PIK3R4: variants seen among roughly 807,000 people sequenced by gnomAD.
PIK3R4 encodes phosphoinositide 3-kinase regulatory subunit 4.
Under a neutral mutation model 136.5 loss-of-function variants are expected in PIK3R4, and 46 were observed. The observed-to-expected ratio is 0.34, with a 90% CI of 0.27 to 0.43. The LOEUF (loss-of-function observed/expected upper bound fraction) is 0.43. Ranked by LOEUF, PIK3R4 falls within the 20% of genes least tolerant of loss-of-function variation. The probability of loss-of-function intolerance (pLI) is 1.00; values close to 1 mark genes in which losing one functional copy is unlikely to be tolerated. For synonymous variants in PIK3R4, 557 were observed against 566.7 expected (o/e 0.98, Z 0.24); for missense variants, 1,331 against 1,649.5 (o/e 0.81, Z 3.35).
intron 2 of PIK3R4, among the ~76,000 whole-genome samples, chr3:130,742,338 G>T (rs2066828731): frequency 6.6e-6 from 1 of 152,174 alleles, no homozygotes; most frequent in Non-Finnish European, 1.5e-5. Flanking sequence ...ACAAAAAAAG[G>T]ATAAAAATAA....
intron 8 of PIK3R4, among the ~76,000 whole-genome samples, chr3:130,717,916 G>A (rs1268421046): frequency 1.3e-5 from 2 of 152,140 alleles, no homozygotes; most frequent in African/African-American, 4.8e-5. Context: ...ACCAAGTACT[G>A]CTAAAGGTGG....
intron 7 of PIK3R4, among the ~76,000 whole-genome samples, chr3:130,720,518 A>C (rs11915110): frequency 0.36 from 54,261 of 152,076 alleles, 12,697 homozygotes; most frequent in African/African-American, 0.66. Flanking sequence ...GGAAAATATT[A>C]ATAATAGCTA....
At chr3:130,728,370 A>G in intron 6 of PIK3R4, 93 bp downstream of exon 6, 1 of 698,306 alleles carries the variant, frequency 1.4e-6, no homozygotes, top group Non-Finnish European at 2.3e-6. Flanking sequence ...ATTATTAATG[A>G]AATTTGGTAG....
intron 7 of PIK3R4, among the ~76,000 whole-genome samples, chr3:130,721,753 G>A (rs1034895102): frequency 6.6e-6 from 1 of 152,108 alleles, no homozygotes; most frequent in South Asian, 2.1e-4. Context: ...AGGGAGGGTG[G>A]AATGGGCAGG....
intron 2 of PIK3R4, among the ~76,000 whole-genome samples, chr3:130,744,065 CCAT>C (rs2066839630): frequency 6.6e-6 from 1 of 152,178 alleles, no homozygotes; most frequent in African/African-American, 2.4e-5. Flanking sequence ...CTCAACACCA[CCAT>C]GAGGACTAAT....
chr3:130,740,459 G>A (rs1015206164), intron 2 of PIK3R4, among the ~76,000 whole-genome samples: 6 of 152,062 alleles, frequency 3.9e-5, no homozygotes, highest in Admixed American at 6.5e-5. Flanking sequence ...ACTGAAGGCC[G>A]GGCACAGTGG....
chr3:130,718,738 C>T (rs1336891092), intron 7 of PIK3R4, among the ~76,000 whole-genome samples: 3 of 152,162 alleles, frequency 2.0e-5, no homozygotes, highest in Admixed American at 2.0e-4. Flanking sequence ...ATAAATATCA[C>T]AGCAGTACCA....
chr3:130,697,293 G>A (rs972406762), intron 13 of PIK3R4, among the ~76,000 whole-genome samples: 2 of 151,902 alleles, frequency 1.3e-5, no homozygotes, highest in East Asian at 1.9e-4. Context: ...GGCTAGTCTC[G>A]AACTCCTGAT....
chr3:130,710,448 A>C (rs1430674346), intron 9 of PIK3R4, among the ~76,000 whole-genome samples: 3 of 151,916 alleles, frequency 2.0e-5, no homozygotes, highest in Admixed American at 1.3e-4. Context: ...AAGATTGTAC[A>C]AAAAAAATTA....
chr3:130,741,647 T>C (rs1041152213), intron 2 of PIK3R4, among the ~76,000 whole-genome samples: 5 of 152,128 alleles, frequency 3.3e-5, no homozygotes, highest in Non-Finnish European at 5.9e-5. Flanking sequence ...AGTAGTGCCC[T>C]ACCAGCCTTT....
chr3:130,720,573 A>C (rs907468015), intron 7 of PIK3R4, among the ~76,000 whole-genome samples: 1 of 152,228 alleles, frequency 6.6e-6, no homozygotes, highest in African/African-American at 2.4e-5. Flanking sequence ...AAGAAATCAT[A>C]ATCACCATCA....
chr3:130,710,974 A>C (rs2107610193), intron 9 of PIK3R4, among the ~76,000 whole-genome samples: 1 of 152,108 alleles, frequency 6.6e-6, no homozygotes, highest in East Asian at 1.9e-4. Flanking sequence ...AAGAAAAAAA[A>C]ATGTTAAGAA....
chr3:130,703,508 A>G (rs576035998), intron 13 of PIK3R4, among the ~76,000 whole-genome samples: 27 of 151,904 alleles, frequency 1.8e-4, no homozygotes, highest in Admixed American at 8.5e-4. Flanking sequence ...TTTTACCACA[A>G]TTTTTTTTAA....
At chr3:130,741,913 C>A (rs1435307417) in intron 2 of PIK3R4, among the ~76,000 whole-genome samples, 1 of 152,198 alleles carries the variant, frequency 6.6e-6, no homozygotes, top group Non-Finnish European at 1.5e-5. Context: ...ATGGTAAGTC[C>A]TCAACGGTAT....
chr3:130,695,502 T>C (rs1391016262), intron 13 of PIK3R4, among the ~76,000 whole-genome samples: 5 of 152,104 alleles, frequency 3.3e-5, no homozygotes, highest in Non-Finnish European at 7.4e-5. Context: ...CACTGTCCTG[T>C]TCCCTCCTGC....
chr3:130,712,453 G>A (rs2066637759), intron 9 of PIK3R4, among the ~76,000 whole-genome samples: 2 of 152,206 alleles, frequency 1.3e-5, no homozygotes, highest in South Asian at 4.2e-4. Flanking sequence ...CGGATCACCT[G>A]AGGTTGGGAG....
intron 10 of PIK3R4, 38 bp from the exon 11 acceptor site, chr3:130,707,173 G>C: frequency 6.8e-7 from 1 of 1,478,820 alleles, no homozygotes; most frequent in South Asian, 1.3e-5. Context: ...TCTGAAGGTA[G>C]CCTTTAAAAC....
At chr3:130,732,125 G>A (rs58619806) in intron 4 of PIK3R4, among the ~76,000 whole-genome samples, 3,175 of 152,076 alleles carry the variant, frequency 0.021, 113 homozygotes, top group African/African-American at 0.072. Context: ...CTGAGAATTA[G>A]ACCGGATACA....
chr3:130,684,123 A>T, intron 16 of PIK3R4, 127 bp downstream of exon 16: 1 of 801,168 alleles, frequency 1.2e-6, no homozygotes, highest in Non-Finnish European at 2.0e-6. Context: ...CAACCTCCAT[A>T]ATCAGAAGAC....
Sources: allele counts gnomAD v4.1 joint callset (sites outside exome capture counted in the v4.1 genomes callset), GRCh38; gene constraint gnomAD v4.1.1; transcripts MANE v1.5; gene names NCBI Gene and HGNC (gene_info 2026-07-23, HGNC 2026-07-21).